Variants in FAM13C observed in about 807,000 individuals in gnomAD.
FAM13C encodes the protein family with sequence similarity 13 member C.
FAM13C carries 37 observed loss-of-function variants against 73.2 expected under a neutral mutation model. The observed-to-expected ratio is 0.51, with a 90% confidence interval of 0.39 to 0.67. The LOEUF is 0.67. Ranked by LOEUF, FAM13C falls within the 30% of genes least tolerant of loss-of-function variation. The probability of loss-of-function intolerance (pLI) is 0.00; values close to 1 mark genes in which losing one functional copy is unlikely to be tolerated. For missense variants in FAM13C, 589 were observed against 715.6 expected (o/e 0.82, Z 2.02); for synonymous variants, 246 against 260.9 (o/e 0.94, Z 0.55).
chr10:59,318,033 A>G (rs899030917), intron 4 of FAM13C, among the ~76,000 whole-genome samples: 1 of 151,866 alleles, frequency 6.6e-6, no homozygotes, highest in Non-Finnish European at 1.5e-5. Flanking sequence ...CAATAGCAAC[A>G]ATATAAGAAA....
upstream of FAM13C, chr10:59,362,554 TCGCCCGG>T: frequency 6.4e-7 from 1 of 1,558,516 alleles, no homozygotes; most frequent in South Asian, 1.2e-5. Context: ...GTCTCCGGGC[TCGCCCGG>T]CACGCTCGCT....
chr10:59,337,830 C>T (rs964599240), intron 3 of FAM13C, among the ~76,000 whole-genome samples: 1 of 151,850 alleles, frequency 6.6e-6, no homozygotes, highest in African/African-American at 2.4e-5. Flanking sequence ...CAGGCACCTG[C>T]CACCATGCCT....
At chr10:59,289,769 C>G (rs1846009514) in intron 5 of FAM13C, among the ~76,000 whole-genome samples, 1 of 152,150 alleles carries the variant, frequency 6.6e-6, no homozygotes, top group African/African-American at 2.4e-5. Flanking sequence ...ATGCTTTTCC[C>G]TCTACAGAAA....
At chr10:59,282,719 G>T (rs1845075715) in intron 6 of FAM13C, 1 of 152,188 alleles carries the variant, frequency 6.6e-6, no homozygotes, top group African/African-American at 2.4e-5. Context: ...AAATATTCCT[G>T]GGAACATTAA....
At chr10:59,248,173 A>C (rs962211357) in intron 13 of FAM13C, among the ~76,000 whole-genome samples, 2 of 152,206 alleles carry the variant, frequency 1.3e-5, no homozygotes, top group Admixed American at 1.3e-4. Context: ...TTTCATTATA[A>C]AAATAACATA....
intron 12 of FAM13C, 110 bp downstream of exon 12, chr10:59,252,689 T>C (rs1841511198): frequency 5.8e-6 from 6 of 1,032,706 alleles, no homozygotes; most frequent in African/African-American, 3.2e-5. Context: ...CTGAGAACTG[T>C]TGACCCACCC....
chr10:59,307,672 G>A (rs922486762), intron 4 of FAM13C, among the ~76,000 whole-genome samples: 6 of 151,968 alleles, frequency 3.9e-5, no homozygotes, highest in Admixed American at 6.6e-5. Context: ...CTCACGGAAG[G>A]ATAACAAAAA....
At position 59,302,866 on chromosome 10, in the gene FAM13C, T is replaced by C; in HGVS notation, c.444-2A>G. 6.2e-7 allele frequency: 1 copy of C among 1,612,366 alleles called. No individual in the cohort carries two copies. Among genetic ancestry groups the C allele is most frequent in the East Asian group, 2.2e-5 (1 of 44,870 alleles). On this transcript the variant is annotated splice_acceptor_variant, in intron 4 of 13. Transcript: ENST00000618804. LOFTEE classifies it high-confidence loss of function. ...GAAATGGCAGTCCTCTGGTCTATTC[T>C]ATAAAATACAAAGAAAAATTATTTC...
At chr10:59,272,782 A>G (rs570213783) in intron 6 of FAM13C, among the ~76,000 whole-genome samples, 51 of 152,298 alleles carry the variant, frequency 3.3e-4, no homozygotes, top group African/African-American at 1.2e-3. Context: ...CACTCTCTAC[A>G]ACATTGTGTC....
At chr10:59,356,163 C>T (rs970487866) in intron 1 of FAM13C, among the ~76,000 whole-genome samples, 1 of 152,184 alleles carries the variant, frequency 6.6e-6, no homozygotes, top group Admixed American at 6.5e-5. Flanking sequence ...ATGTGACTCT[C>T]CTTTTTGCCT....
At chr10:59,258,535 C>A (rs968882496) in intron 10 of FAM13C, among the ~76,000 whole-genome samples, 45 of 152,016 alleles carry the variant, frequency 3.0e-4, no homozygotes, top group Non-Finnish European at 6.3e-4. Context: ...TGTATATGCT[C>A]TACATAGAAA....
At chr10:59,286,611 T>G (rs1845601631) in intron 5 of FAM13C, among the ~76,000 whole-genome samples, 1 of 147,556 alleles carries the variant, frequency 6.8e-6, no homozygotes, top group South Asian at 2.2e-4. Context: ...AGGGAGGAGA[T>G]GGGAGCTATT....
Position 59,269,889 on chromosome 10 carries a change from G to T in FAM13C, c.803+10C>A, listed in dbSNP as rs1305543281. The T allele has an allele frequency of 6.2e-7, 1 of 1,613,426 alleles. No individual in the cohort carries two copies. Among genetic ancestry groups the T allele is most frequent in the Non-Finnish European group, 8.5e-7 (1 of 1,179,620 alleles). On this transcript the variant is annotated intron_variant, in intron 7 of 13. Transcript: ENST00000618804. ...ATGAAATGAAGACAATAACAAAACAGTTTTCTCACATCATAAACTGCTGAG... is the reference window on the plus strand; with the variant it reads ...ATGAAATGAAGACAATAACAAAACATTTTTCTCACATCATAAACTGCTGAG...
intron 3 of FAM13C, among the ~76,000 whole-genome samples, chr10:59,327,402 T>G (rs1851300208): frequency 6.6e-6 from 1 of 152,132 alleles, no homozygotes; most frequent in Non-Finnish European, 1.5e-5. Context: ...CTATAAGAGA[T>G]TTAGCCAGAT....
At chr10:59,271,082 T>C (rs1475735734) in intron 6 of FAM13C, among the ~76,000 whole-genome samples, 1 of 152,176 alleles carries the variant, frequency 6.6e-6, no homozygotes, top group African/African-American at 2.4e-5. Flanking sequence ...CTCTGCACCC[T>C]AGGCTCTGTA....
chr10:59,334,705 A>T (rs576702044), intron 3 of FAM13C, among the ~76,000 whole-genome samples: 2 of 147,608 alleles, frequency 1.4e-5, no homozygotes, highest in Non-Finnish European at 3.0e-5. Context: ...TGGGAATTGA[A>T]CAATGAGAAC....
At chr10:59,253,071 G>C in intron 11 of FAM13C, 73 bp from the exon 12 acceptor site, 2 of 1,465,618 alleles carry the variant, frequency 1.4e-6, no homozygotes, top group Non-Finnish European at 1.9e-6. Flanking sequence ...AAAACAGGAA[G>C]GGGAACTATA....
rs187135461 is a variant in FAM13C at position 59,271,641 on chromosome 10, G to T, written c.593-1532C>A. 1.1e-3 allele frequency among the ~76,000 whole-genome samples: 175 copies of T among 152,292 alleles called. 1 individual carries two copies. The highest frequency in any genetic ancestry group is 3.9e-3 in the African/African-American group (162 of 41,562). ...TTTACCCAGAAAACTCTGCAGTTTGGAAAGAGCCCTCAGGAGTAACAGGAA... is the reference window on the plus strand; with the variant it reads ...TTTACCCAGAAAACTCTGCAGTTTGTAAAGAGCCCTCAGGAGTAACAGGAA... On this transcript the variant is annotated intron_variant, in intron 6 of 13. Coordinates refer to ENST00000618804, the MANE Select transcript of FAM13C (RefSeq NM_198215.4).
At chr10:59,297,044 T>C (rs1438673157) in intron 5 of FAM13C, 1 of 152,252 alleles carries the variant, frequency 6.6e-6, no homozygotes, top group Non-Finnish European at 1.5e-5. Flanking sequence ...ATCCTCTCAC[T>C]CTAACCCATT....
Sources: allele counts gnomAD v4.1 joint callset (sites outside exome capture counted in the v4.1 genomes callset), GRCh38; gene constraint gnomAD v4.1.1; transcripts MANE v1.5; gene names NCBI Gene and HGNC (gene_info 2026-07-23, HGNC 2026-07-21).